STXBP5: variants seen among roughly 807,000 people sequenced by gnomAD.
The protein encoded by STXBP5 is syntaxin binding protein 5.
A neutral mutation model predicts 152.4 loss-of-function variants in STXBP5; 50 were observed. The ratio of observed to expected loss-of-function variants is 0.33; its 90% CI spans 0.26 to 0.42. The LOEUF (loss-of-function observed/expected upper bound fraction) is 0.42. Ranked by LOEUF, STXBP5 falls within the 10% of genes least tolerant of loss-of-function variation. The probability of loss-of-function intolerance (pLI) is 1.00; values close to 1 mark genes in which losing one functional copy is unlikely to be tolerated. For synonymous variants in STXBP5, 492 were observed against 494.7 expected, an observed-to-expected ratio of 0.99 and a Z score of 0.07; for missense variants, 1,167 against 1,388.6, an observed-to-expected ratio of 0.84 and a Z score of 2.54.
At chr6:147,222,252 A>T (rs1255399158) in intron 2 of STXBP5, among the ~76,000 whole-genome samples, 1 of 152,150 alleles carries the variant, frequency 6.6e-6, no homozygotes, top group East Asian at 1.9e-4. Flanking sequence ...TGCCATTTCG[A>T]AGTCTGATTC....
chr6:147,262,213 T>C, intron 5 of STXBP5, 77 bp from the exon 6 acceptor site: 1 of 835,460 alleles, frequency 1.2e-6, no homozygotes, highest in South Asian at 1.8e-5. Flanking sequence ...TTCTATTTAT[T>C]TTTATTGGAA....
chr6:147,296,377 C>G (rs769233276), intron 9 of STXBP5, among the ~76,000 whole-genome samples: 2 of 152,170 alleles, frequency 1.3e-5, no homozygotes, highest in Non-Finnish European at 2.9e-5. Context: ...ACATGGCTGA[C>G]ATGGATTACA....
chr6:147,326,297 T>TA (rs1429521339), intron 17 of STXBP5, among the ~76,000 whole-genome samples: 1 of 152,226 alleles, frequency 6.6e-6, no homozygotes, highest in Non-Finnish European at 1.5e-5. Flanking sequence ...AGGAATCTAT[T>TA]ACAGACCTCA....
At chr6:147,291,620 G>GTT in intron 9 of STXBP5, among the ~76,000 whole-genome samples, 1 of 152,056 alleles carries the variant, frequency 6.6e-6, no homozygotes, top group Non-Finnish European at 1.5e-5. Context: ...TAATATTAAA[G>GTT]GGAGTTTGTT....
chr6:147,366,737 C>G (rs1279404648), intron 25 of STXBP5, among the ~76,000 whole-genome samples: 4 of 152,282 alleles, frequency 2.6e-5, no homozygotes, highest in South Asian at 2.1e-4. Flanking sequence ...TTTTCCTTGC[C>G]AGGTAATATT....
rs930316426 is a variant in STXBP5 at position 147,278,083 on chromosome 6, T to C, written c.717T>C (p.Ala239=). 6.2e-7 allele frequency: 1 copy of C among 1,611,742 alleles called. No homozygotes were observed. The highest frequency in any genetic ancestry group is 1.7e-5 in the Admixed American group (1 of 59,938). The change falls in exon 8 of 28, where the codon GCT becomes GCC. Residue 239 remains alanine (A), a splice_region_variant and synonymous_variant. Transcript: ENST00000321680. ...KADYRYTYDE[A]IHSVAWHHEG... ...TGGTATTTTTCATCCTTCTATAGGC[T>C]ATCCACTCTGTTGCTTGGCATCATG...
At chr6:147,277,043 A>C (rs1206617775) in intron 7 of STXBP5, among the ~76,000 whole-genome samples, 1 of 152,112 alleles carries the variant, frequency 6.6e-6, no homozygotes, top group Admixed American at 6.5e-5. Context: ...TGATGAGTTT[A>C]TCAGGGTATG....
At position 147,386,045 on chromosome 6, in the gene STXBP5, A is replaced by G. The variant is rs1391870979; in HGVS notation, c.*1290A>G. 2 of 152,066 alleles carry G rather than the reference A, an allele frequency of 1.3e-5. No individual in the cohort carries two copies. Among genetic ancestry groups the G allele is most frequent in the African/African-American group, 2.4e-5 (1 of 41,446 alleles). The allele number at this position is 152,066 out of a possible 1,614,324, so 9.4% of individuals were successfully genotyped here. On this transcript the variant is annotated 3_prime_UTR_variant, in exon 28 of 28. Coordinates refer to ENST00000321680, the MANE Select transcript of STXBP5 (RefSeq NM_001127715.4). ...CTGTATTGGAATATAATACAATTTG[A>G]GACCAGCAATGGACAATGAATGATT...
At chr6:147,335,798 CAAAAAAAA>C (rs564853131) in intron 19 of STXBP5, among the ~76,000 whole-genome samples, 2 of 135,706 alleles carry the variant, frequency 1.5e-5, no homozygotes, top group Non-Finnish European at 3.2e-5. Flanking sequence ...GACTACGTCT[CAAAAAAAA>C]AAGAAAAAAA....
At position 147,359,195 on chromosome 6, in the gene STXBP5, A is replaced by G. The variant is rs1314683910; in HGVS notation, c.2417A>G (p.Lys806Arg). Reference sequence around the variant, plus strand: ...CATTTCTGTGAAACGTTTACTCGAAAGACGGACTCGTCCCCTTCCCCTTGT... The same window carrying G: ...CATTTCTGTGAAACGTTTACTCGAAGGACGGACTCGTCCCCTTCCCCTTGT... ...ALHFCETFTR[K>R]TDSSPSPCLW... Residue 806 changes from lysine (K) to arginine (R), a missense_variant, in exon 23 of 28, where the codon AAG (lysine) becomes AGG (arginine). Around this residue, in one of 3 missense-constraint regions of STXBP5, gnomAD observed 833 missense variants for 986.3 expected, o/e 0.84. Coordinates refer to ENST00000321680, the MANE Select transcript of STXBP5 (RefSeq NM_001127715.4). The G allele has an allele frequency of 3.1e-6, 5 of 1,614,082 alleles. No homozygotes were observed. Among genetic ancestry groups the G allele is most frequent in the Non-Finnish European group, 4.2e-6 (5 of 1,179,960 alleles).
chr6:147,321,969 G>A (rs1174800535), intron 16 of STXBP5, among the ~76,000 whole-genome samples: 1 of 152,006 alleles, frequency 6.6e-6, no homozygotes, highest in Non-Finnish European at 1.5e-5. Flanking sequence ...TTTTACTTAA[G>A]AACGTTTTTT....
chr6:147,334,275 A>G (rs1783723156), intron 19 of STXBP5, 53 bp downstream of exon 19: 3 of 1,516,830 alleles, frequency 2.0e-6, no homozygotes, highest in Non-Finnish European at 2.7e-6. Context: ...AAAATCCAAG[A>G]TAGCATACTA....
Position 147,204,746 on chromosome 6 carries a change from A to G in STXBP5, c.150+64A>G, listed in dbSNP as rs1776450695. The G allele has an allele frequency of 1.1e-5, 16 of 1,467,916 alleles. No homozygotes were observed. Among genetic ancestry groups the G allele is most frequent in the Non-Finnish European group, 1.3e-5 (14 of 1,102,236 alleles). 90.9% of individuals were successfully genotyped at this position (1,467,916 alleles called of 1,614,324 possible). On this transcript the variant is annotated intron_variant, in intron 1 of 27. Transcript: ENST00000321680. This position sits in a 1 kb window ranked among gnomAD's most constrained non-coding sequence, Gnocchi z 4.3. ...AAATTGGGGTTGTTTTAAGGGGGCTACTCGGGCTTTACATGGGAATGCAAG... is the reference window on the plus strand; with the variant it reads ...AAATTGGGGTTGTTTTAAGGGGGCTGCTCGGGCTTTACATGGGAATGCAAG...
chr6:147,305,530 GA>G (rs1271805049), intron 9 of STXBP5, among the ~76,000 whole-genome samples: 2 of 152,112 alleles, frequency 1.3e-5, no homozygotes, highest in African/African-American at 4.8e-5. Flanking sequence ...TTATGCATAT[GA>G]ACCTATTTTA....
rs1447924827 is a variant in STXBP5, at chr6:147,385,513, T to A, written c.*758T>A. The A allele has an allele frequency of 6.6e-6, 1 of 152,206 alleles. No homozygotes were observed. The highest frequency in any genetic ancestry group is 2.4e-5 in the African/African-American group (1 of 41,568). 9.4% of individuals were successfully genotyped at this position (152,206 alleles called of 1,614,324 possible). A position where few individuals can be genotyped will look rare whatever the true frequency, so the allele number is the denominator to read the frequency against. On this transcript the variant is annotated 3_prime_UTR_variant, in exon 28 of 28. Transcript: ENST00000321680. ...TCTGGGAGTTTCCATGTAGTGGCTA[T>A]GCAGTGTGGAAAGTGAGAAAAACCT... is the stretch of plus-strand genomic sequence containing the variant.
At chr6:147,267,047 T>C (rs918797857) in intron 6 of STXBP5, 37 bp from the exon 7 acceptor site, 22 of 1,503,620 alleles carry the variant, frequency 1.5e-5, no homozygotes, top group Non-Finnish European at 1.9e-5. Flanking sequence ...ATAATTGATA[T>C]CATTCCTAGG....
chr6:147,325,731 A>C (rs764476169), intron 17 of STXBP5, among the ~76,000 whole-genome samples: 7 of 152,040 alleles, frequency 4.6e-5, no homozygotes, highest in Non-Finnish European at 8.8e-5. Context: ...TGTGTAGTTC[A>C]TTGTCTCCTT....
intron 2 of STXBP5, among the ~76,000 whole-genome samples, chr6:147,229,820 CT>C (rs371797674): frequency 4.0e-5 from 6 of 151,802 alleles, no homozygotes; most frequent in Admixed American, 3.3e-4. Flanking sequence ...GATAGTTCTA[CT>C]TTTTTTCTTT....
chr6:147,359,393 C>T, intron 23 of STXBP5, 70 bp downstream of exon 23: 1 of 1,533,392 alleles, frequency 6.5e-7, no homozygotes, highest in Non-Finnish European at 8.8e-7. Context: ...CTTTGTTTTT[C>T]ATTCTTGAAT....
Sources: allele counts gnomAD v4.1 joint callset (sites outside exome capture counted in the v4.1 genomes callset), GRCh38; gene constraint gnomAD v4.1.1; regional missense constraint gnomAD v4.1.1; non-coding constraint Gnocchi (gnomAD v3.1); transcripts MANE v1.5; gene names NCBI Gene and HGNC (gene_info 2026-07-23, HGNC 2026-07-21).